PCDHA8: variants seen among roughly 807,000 people sequenced by gnomAD.
PCDHA8 encodes the protein protocadherin alpha-8.
A neutral mutation model predicts 61.8 loss-of-function variants in PCDHA8; 53 were observed. The observed-to-expected ratio is 0.86, with a 90% CI of 0.69 to 1.08. The LOEUF is 1.08. PCDHA8 is among the 50% of genes least tolerant of loss of function. The probability of loss-of-function intolerance (pLI) is 0.00; values close to 1 mark genes in which losing one functional copy is unlikely to be tolerated. For synonymous variants in PCDHA8, 618 were observed against 556.6 expected, an observed-to-expected ratio of 1.11 and a Z score of -1.55; for missense variants, 1,293 against 1,245.0, an observed-to-expected ratio of 1.04 and a Z score of -0.58.
chr5:140,900,882 A>G (rs1453854297), intron 1 of PCDHA8, among the ~76,000 whole-genome samples: 1 of 152,044 alleles, frequency 6.6e-6, no homozygotes, highest in African/African-American at 2.4e-5. Flanking sequence ...ATTGCCTGTC[A>G]TTTGGATAAA....
intron 1 of PCDHA8, chr5:140,848,167 C>A (rs1554142004): frequency 3.9e-6 from 1 of 254,352 alleles, no homozygotes; most frequent in African/African-American, 2.2e-5. Context: ...TAAGAAGGCT[C>A]CAGCAAGAGA....
chr5:140,883,403 T>G, intron 1 of PCDHA8: 1 of 1,614,168 alleles, frequency 6.2e-7, no homozygotes, highest in Non-Finnish European at 8.5e-7. Context: ...CGATCGTGAC[T>G]CTGGCTCAAA....
chr5:140,927,495 G>C (rs111935715), intron 1 of PCDHA8: 2 of 1,614,128 alleles, frequency 1.2e-6, no homozygotes, highest in African/African-American at 1.3e-5. Context: ...CCCACCTGCT[G>C]GTGCTTACAG....
chr5:140,912,860 G>A (rs1554195574), intron 1 of PCDHA8, among the ~76,000 whole-genome samples: 1 of 152,182 alleles, frequency 6.6e-6, no homozygotes, highest in African/African-American at 2.4e-5. Flanking sequence ...CAATTGAAAT[G>A]ATATATGGTT....
chr5:140,921,215 CT>C (rs2080099389), intron 1 of PCDHA8, among the ~76,000 whole-genome samples: 1 of 151,942 alleles, frequency 6.6e-6, no homozygotes, highest in Admixed American at 6.6e-5. Context: ...TAATTCACGT[CT>C]TTTTTGCTAG....
intron 1 of PCDHA8, chr5:140,853,286 T>G: frequency 2.0e-6 from 2 of 981,814 alleles, no homozygotes; most frequent in Non-Finnish European, 2.5e-6. Flanking sequence ...CATATGCAAA[T>G]TCTCAGAAGG....
Position 140,842,993 on chromosome 5 carries a change from G to C in PCDHA8, c.1672G>C (p.Glu558Gln). Residue 558 changes from glutamate (E) to glutamine (Q), a missense_variant, in exon 1 of 4, where the codon GAG becomes CAG. Physicochemically the swap from Glu to Gln is conservative, Grantham distance 29. Coordinates refer to ENST00000531613, the MANE Select transcript of PCDHA8 (RefSeq NM_018911.3). ...GACGCTGCAGGTGTTCGTGCTGGAC[G>C]AGAATGACAACGCGCCGGCACTGCT... ...NVTLQVFVLD[E>Q]NDNAPALLEP... The C allele has an allele frequency of 6.3e-7, 1 of 1,595,048 alleles. No individual in the cohort carries two copies. Among genetic ancestry groups the C allele is most frequent in the Non-Finnish European group, 8.6e-7 (1 of 1,165,484 alleles).
Position 140,968,209 on chromosome 5 carries a change from C to A in PCDHA8, c.2395-10740C>A, listed in dbSNP as rs781795931. The A allele has an allele frequency of 2.5e-6, 4 of 1,613,884 alleles. No homozygotes were observed. In the African/African-American group the frequency reaches 4.0e-5, roughly 16 times the overall value. Reference sequence around the variant, plus strand: ...CCTATTCCATCTACATACAGGAGAACAATTTGCCAGGTGTGTTGCTCTGTA... The same window carrying A: ...CCTATTCCATCTACATACAGGAGAAAAATTTGCCAGGTGTGTTGCTCTGTA... On this transcript the variant is annotated intron_variant, in intron 1 of 3. Coordinates refer to ENST00000531613, the MANE Select transcript of PCDHA8 (RefSeq NM_018911.3).
chr5:140,901,907 A>C (rs1204627106), intron 1 of PCDHA8, among the ~76,000 whole-genome samples: 1 of 150,942 alleles, frequency 6.6e-6, no homozygotes, highest in African/African-American at 2.4e-5. Context: ...CATTGTGGAG[A>C]TCTTTCACTT....
At chr5:140,930,711 C>G (rs10214249) in intron 1 of PCDHA8, among the ~76,000 whole-genome samples, 2,020 of 152,280 alleles carry the variant, frequency 0.013, 38 homozygotes, top group African/African-American at 0.046. Flanking sequence ...TATTCTTCCT[C>G]AAGTAATGAT....
chr5:140,983,030 T>C (rs1333101014), intron 3 of PCDHA8, among the ~76,000 whole-genome samples: 1 of 151,922 alleles, frequency 6.6e-6, no homozygotes, highest in African/African-American at 2.4e-5. Context: ...GGAAGATGGT[T>C]TCTCATGGAA....
chr5:140,934,377 G>A (rs1183246116), intron 1 of PCDHA8, among the ~76,000 whole-genome samples: 2 of 152,050 alleles, frequency 1.3e-5, no homozygotes, highest in Non-Finnish European at 2.9e-5. Flanking sequence ...TCCTTCTGTG[G>A]TTCTATGGTG....
At chr5:140,911,153 C>T (rs921838811) in intron 1 of PCDHA8, among the ~76,000 whole-genome samples, 2 of 152,048 alleles carry the variant, frequency 1.3e-5, no homozygotes, top group Non-Finnish European at 2.9e-5. Flanking sequence ...TCTCCTCAGA[C>T]AAATGTGGAA....
At chr5:140,869,775 C>A (rs2051402857) in intron 1 of PCDHA8, 5 of 1,612,980 alleles carry the variant, frequency 3.1e-6, no homozygotes, top group Non-Finnish European at 4.2e-6. Flanking sequence ...AGCTTACTGG[C>A]ACCGTTCGGC....
chr5:140,848,763 A>G, intron 1 of PCDHA8: 3 of 1,593,392 alleles, frequency 1.9e-6, no homozygotes, highest in Non-Finnish European at 2.6e-6. Context: ...GAATTCTCGG[A>G]TCGACCGCGA....
chr5:140,882,587 G>C (rs559310344), intron 1 of PCDHA8: 9 of 1,614,256 alleles, frequency 5.6e-6, no homozygotes, highest in Non-Finnish European at 6.8e-6. Flanking sequence ...CATCCACCTG[G>C]AGGTGATCGT....
At chr5:140,908,455 AT>A (rs367827339) in intron 1 of PCDHA8, among the ~76,000 whole-genome samples, 51 of 152,296 alleles carry the variant, frequency 3.3e-4, no homozygotes, top group African/African-American at 9.9e-4. Flanking sequence ...GGCTAGATGG[AT>A]CAGAAAGCAC....
chr5:140,888,513 A>C (rs1208227299), intron 1 of PCDHA8, among the ~76,000 whole-genome samples: 5 of 152,216 alleles, frequency 3.3e-5, no homozygotes, highest in African/African-American at 4.8e-5. Context: ...TCTTGGACTT[A>C]GTTCTGACGT....
At chr5:140,877,708 G>A in intron 1 of PCDHA8, 12 of 1,614,072 alleles carry the variant, frequency 7.4e-6, no homozygotes, top group Non-Finnish European at 1.0e-5. Flanking sequence ...CAGCGCCGTG[G>A]GGAGTTGGTC....
Sources: allele counts gnomAD v4.1 joint callset (sites outside exome capture counted in the v4.1 genomes callset), GRCh38; gene constraint gnomAD v4.1.1; transcripts MANE v1.5; gene names NCBI Gene and HGNC (gene_info 2026-07-23, HGNC 2026-07-21).